The following CLCC1 variants were observed in gnomAD, a reference collection of about 807,000 sequenced individuals.
CLCC1 encodes the protein chloride channel CLIC-like protein 1.
Under a neutral mutation model 63.3 loss-of-function variants are expected in CLCC1, and 39 were observed. The observed-to-expected ratio is 0.62, with a 90% CI of 0.48 to 0.81. CLCC1 has a LOEUF of 0.81. Ranked by LOEUF, CLCC1 falls within the 30% of genes least tolerant of loss-of-function variation. CLCC1 has a pLI of 0.00. For synonymous variants in CLCC1, 217 were observed against 239.8 expected, an observed-to-expected ratio of 0.90 and a Z score of 0.88; for missense variants, 549 against 669.4, an observed-to-expected ratio of 0.82 and a Z score of 1.98.
chr1:108,953,868 G>A lies in CLCC1; in HGVS notation c.-11-3420C>T, dbSNP rs1398718730. 8.2e-3 allele frequency among the ~76,000 whole-genome samples: 1,225 copies of A among 148,864 alleles called. 19 individuals carry two copies. Among genetic ancestry groups the A allele is most frequent in the African/African-American group, 0.031 (1,175 of 38,486 alleles). ...TCTACTAAAAATACAAAATTAGCTG[G>A]GTATGGTGGTGCATGCCTGTAATCC... On this transcript the variant is annotated intron_variant, in intron 2 of 12. Coordinates refer to ENST00000369969, the MANE Select transcript of CLCC1 (RefSeq NM_001377458.1).
At chr1:108,951,657 T>C (rs1040352317) in intron 2 of CLCC1, among the ~76,000 whole-genome samples, 2 of 136,122 alleles carry the variant, frequency 1.5e-5, no homozygotes, top group African/African-American at 2.9e-5. Context: ...TTTGGGAGTA[T>C]AGTAGCTAAA....
intron 1 of CLCC1, 117 bp downstream of exon 1, chr1:108,963,244 G>T: frequency 1.7e-6 from 1 of 605,278 alleles, no homozygotes; most frequent in South Asian, 1.8e-5. Context: ...TCCCCGCCCC[G>T]GGTCGCGCCT....
chr1:108,950,422 G>T lies in CLCC1; in HGVS notation c.16C>A (p.Leu6Ile). The T allele has an allele frequency of 6.2e-7, 1 of 1,608,040 alleles. No homozygotes were observed. The highest frequency in any genetic ancestry group is 1.1e-5 in the South Asian group (1 of 90,282). The change falls in exon 3 of 13, where the codon CTC (leucine) becomes ATC (isoleucine). Residue 6 changes from leucine (L) to isoleucine (I), a missense_variant. Coordinates refer to ENST00000369969, the MANE Select transcript of CLCC1 (RefSeq NM_001377458.1). MLCSL[L>I]LCECLLLVAG... ...ACCAGCAACAGACATTCACAAAGGAGCAAAGAACACAGCATCCTGTATAAG... is the reference window on the plus strand; with the variant it reads ...ACCAGCAACAGACATTCACAAAGGATCAAAGAACACAGCATCCTGTATAAG...
intron 11 of CLCC1, among the ~76,000 whole-genome samples, chr1:108,936,780 A>C (rs1446713215): frequency 6.6e-6 from 1 of 152,208 alleles, no homozygotes; most frequent in Non-Finnish European, 1.5e-5. Context: ...TGATCTCTTC[A>C]AAGATAGAAA....
At chr1:108,936,091 T>C in intron 11 of CLCC1, among the ~76,000 whole-genome samples, 1 of 133,662 alleles carries the variant, frequency 7.5e-6, no homozygotes, top group South Asian at 2.4e-4. Context: ...AGTTGTTTTT[T>C]TTTTTTTTTT....
rs1200384270 is a variant in CLCC1, at chr1:108,944,052, A to G, written c.345T>C (p.Asp115=). ...LIEAGKLGLP[D]ENKGDMHYDA... ...CATAATGCATATCGCCTTTGTTTTC[A>G]TCAGGCTAAATTAAATTTACCAAAA... Residue 115 remains aspartate, a synonymous_variant, in exon 6 of 13, where the codon GAT becomes GAC. Transcript: ENST00000369969. 1 of 1,577,430 alleles carries G rather than the reference A, an allele frequency of 6.3e-7. No individual in the cohort carries two copies. The highest frequency in any genetic ancestry group is 1.9e-5 in the Admixed American group (1 of 53,222).
intron 12 of CLCC1, chr1:108,934,244 A>G (rs138203838): frequency 6.0e-6 from 1 of 166,042 alleles, no homozygotes; most frequent in African/African-American, 2.4e-5. Flanking sequence ...GGCTGCATGA[A>G]GATGCTGGAG....
intron 2 of CLCC1, among the ~76,000 whole-genome samples, chr1:108,952,642 C>G (rs7517602): frequency 6.6e-6 from 1 of 151,726 alleles, no homozygotes; most frequent in Non-Finnish European, 1.5e-5. Flanking sequence ...CTACTAAAAA[C>G]ACAAAAACTC....
intron 5 of CLCC1, among the ~76,000 whole-genome samples, chr1:108,945,844 A>G (rs1436867887): frequency 6.6e-6 from 1 of 152,246 alleles, no homozygotes; most frequent in Non-Finnish European, 1.5e-5. Context: ...GTTGATACAA[A>G]TAAAATTCCT....
rs1399851612 is a variant in CLCC1, at chr1:108,934,757, G to T, written c.1569C>A (p.Gly523=). ...TGTATGTGCTGCCTTGGTCTGGGCT[G>T]CCTGCGGCTTCAGACTTGAGCTGGG... ...EKAQLKSEAA[G]SPDQGSTYSP... is the part of the protein sequence containing the mutation. The change falls in exon 12 of 13, where the codon GGC becomes GGA. Residue 523 remains glycine (G), a synonymous_variant. Coordinates refer to ENST00000369969, the MANE Select transcript of CLCC1 (RefSeq NM_001377458.1). 6.2e-7 allele frequency: 1 copy of T among 1,614,196 alleles called. No individual in the cohort carries two copies. Among genetic ancestry groups the T allele is most frequent in the South Asian group, 1.1e-5 (1 of 91,086 alleles).
At position 108,943,832 on chromosome 1, in the gene CLCC1, T is replaced by G. The variant is rs773481444; in HGVS notation, c.561+4A>C. The G allele has an allele frequency of 2.5e-6, 4 of 1,600,824 alleles. No individual in the cohort carries two copies. The South Asian group carries it at 3.3e-5, about 13-fold the overall frequency. On this transcript the variant is annotated splice_donor_region_variant and intron_variant, in intron 6 of 12. Transcript: ENST00000369969. ...ACGTTGCCCTTGCCCTCATCCCATC[T>G]TACCATTAACACATTATATGGATCC...
chr1:108,955,127 G>A (rs1224718202), intron 2 of CLCC1, among the ~76,000 whole-genome samples: 1 of 150,838 alleles, frequency 6.6e-6, no homozygotes, highest in Non-Finnish European at 1.5e-5. Flanking sequence ...TTACAGGCAT[G>A]AGCCACCATG....
chr1:108,960,947 G>C (rs970299122), intron 2 of CLCC1, among the ~76,000 whole-genome samples: 1 of 152,068 alleles, frequency 6.6e-6, no homozygotes, highest in Non-Finnish European at 1.5e-5. Context: ...CCGCCGCCTT[G>C]TCTTCCCAAA....
At position 108,958,599 on chromosome 1, in the gene CLCC1, G is replaced by T. The variant is rs140691278; in HGVS notation, c.-12+3710C>A. 4.6e-3 allele frequency among the ~76,000 whole-genome samples: 695 copies of T among 151,752 alleles called. 7 individuals are homozygous for T. Among genetic ancestry groups the T allele is most frequent in the Non-Finnish European group, 7.6e-3 (516 of 68,028 alleles). On this transcript the variant is annotated intron_variant, in intron 2 of 12. Coordinates refer to ENST00000369969, the MANE Select transcript of CLCC1 (RefSeq NM_001377458.1). ...GTGAAAGTTCTCAACTTAATAAAGG[G>T]CTGGGCGTGGTGGCTCATGCCTGTA...
chr1:108,956,500 A>G (rs949813596), intron 2 of CLCC1, among the ~76,000 whole-genome samples: 2 of 150,742 alleles, frequency 1.3e-5, no homozygotes, highest in African/African-American at 2.5e-5. Context: ...TCTCTACTAA[A>G]AATACAAAAA....
chr1:108,952,486 T>A (rs1040464905), intron 2 of CLCC1, among the ~76,000 whole-genome samples: 4 of 152,136 alleles, frequency 2.6e-5, no homozygotes, highest in African/African-American at 4.8e-5. Context: ...TGTTTTTTTT[T>A]AACAAATGAG....
chr1:108,939,370 G>A (rs576097871), intron 10 of CLCC1, among the ~76,000 whole-genome samples: 7 of 147,750 alleles, frequency 4.7e-5, no homozygotes, highest in Non-Finnish European at 8.9e-5. Context: ...ACAGTGGTGC[G>A]ATCTCGGCTC....
chr1:108,953,904 GC>G (rs1655517222), intron 2 of CLCC1, among the ~76,000 whole-genome samples: 1 of 150,278 alleles, frequency 6.7e-6, no homozygotes, highest in African/African-American at 2.5e-5. Context: ...CAGCTACTCG[GC>G]AGGCTGAGGC....
intron 4 of CLCC1, among the ~76,000 whole-genome samples, 191 bp from the exon 5 acceptor site, chr1:108,947,909 G>A (rs974257128): frequency 6.6e-6 from 1 of 152,226 alleles, no homozygotes; most frequent in African/African-American, 2.4e-5. Context: ...CAAAGGGCAA[G>A]TAGGCAACAA....
Sources: allele counts gnomAD v4.1 joint callset (sites outside exome capture counted in the v4.1 genomes callset), GRCh38; gene constraint gnomAD v4.1.1; transcripts MANE v1.5; gene names NCBI Gene and HGNC (gene_info 2026-07-23, HGNC 2026-07-21).